Variants in FOXP2 observed in about 807,000 individuals in gnomAD.
FOXP2 encodes the protein forkhead box P2.
Under a neutral mutation model 115.8 loss-of-function variants are expected in FOXP2, and 12 were observed. The ratio of observed to expected loss-of-function variants is 0.10; its 90% CI spans 0.07 to 0.17. FOXP2 has a LOEUF of 0.17. Among genes scored for constraint, FOXP2 ranks in the 10% least tolerant of loss-of-function variants. The pLI is 1.00. For synonymous variants in FOXP2, 328 were observed against 297.7 expected (o/e 1.10, Z -1.05); for missense variants, 629 against 843.5 (o/e 0.75, Z 3.15).
chr7:114,281,944 G>A (rs972839210), intron 1 of FOXP2, among the ~76,000 whole-genome samples: 1 of 152,048 alleles, frequency 6.6e-6, no homozygotes, highest in Admixed American at 6.6e-5. Flanking sequence ...CTGAGGGGTA[G>A]GTCAGTCAGG....
intron 7 of FOXP2, among the ~76,000 whole-genome samples, chr7:114,643,798 T>C (rs982107400): frequency 1.3e-5 from 2 of 152,208 alleles, no homozygotes; most frequent in South Asian, 2.1e-4. Context: ...CTTAGGCTTA[T>C]ATATAGCTCC....
chr7:114,276,074 A>G (rs1796179338), intron 1 of FOXP2, among the ~76,000 whole-genome samples: 1 of 152,188 alleles, frequency 6.6e-6, no homozygotes. Context: ...ATACTATCCC[A>G]GCGGGGTAGG....
chr7:114,273,883 G>T (rs1166011440), intron 1 of FOXP2, among the ~76,000 whole-genome samples: 1 of 151,548 alleles, frequency 6.6e-6, no homozygotes, highest in Non-Finnish European at 1.5e-5. Flanking sequence ...TTATTTTTTG[G>T]TCCAGTTTAA....
intron 2 of FOXP2, among the ~76,000 whole-genome samples, chr7:114,360,572 G>A (rs1484168849): frequency 1.3e-5 from 2 of 152,046 alleles, no homozygotes; most frequent in Non-Finnish European, 2.9e-5. Flanking sequence ...TGAATTTCCT[G>A]TTGTGTGAAA....
chr7:114,159,041 G>A (rs1792752541), upstream of FOXP2, among the ~76,000 whole-genome samples: 1 of 152,112 alleles, frequency 6.6e-6, no homozygotes, highest in Non-Finnish European at 1.5e-5. Flanking sequence ...TGGACTGGAT[G>A]TATATGTTCG....
intron 2 of FOXP2, among the ~76,000 whole-genome samples, chr7:114,479,785 G>T (rs751462907): frequency 4.6e-5 from 7 of 151,522 alleles, no homozygotes; most frequent in Non-Finnish European, 1.0e-4. Context: ...AATATCAGAA[G>T]AAAAACTTAA....
At chr7:114,588,560 G>T (rs569152738) in intron 3 of FOXP2, among the ~76,000 whole-genome samples, 68 of 152,158 alleles carry the variant, frequency 4.5e-4, no homozygotes, top group Admixed American at 3.9e-3. Flanking sequence ...TGCTTTTTGT[G>T]GTCGGAAGGG....
chr7:114,271,721 T>TATTAAATAATATATTAAATACATATGC (rs1562847403), intron 1 of FOXP2, among the ~76,000 whole-genome samples: 1 of 117,564 alleles, frequency 8.5e-6, no homozygotes, highest in African/African-American at 3.5e-5. Flanking sequence ...AATACATATG[T>TATTAAATAATATATTAAATACATATGC]ATTAAATATA....
chr7:114,673,333 A>T (rs1807594302), intron 16 of FOXP2, among the ~76,000 whole-genome samples: 1 of 152,228 alleles, frequency 6.6e-6, no homozygotes, highest in South Asian at 2.1e-4. Flanking sequence ...GAGATTGGGC[A>T]CAATATATTT....
intron 3 of FOXP2, among the ~76,000 whole-genome samples, chr7:114,579,145 C>A (rs992579457): frequency 1.3e-5 from 2 of 152,024 alleles, no homozygotes; most frequent in Non-Finnish European, 2.9e-5. Context: ...TATGTATTAA[C>A]AATTAAAAAT....
At chr7:114,338,211 C>T (rs1267802036) in intron 2 of FOXP2, among the ~76,000 whole-genome samples, 1 of 150,760 alleles carries the variant, frequency 6.6e-6, no homozygotes, top group African/African-American at 2.4e-5. Flanking sequence ...TAAATTTTTA[C>T]AATAAAATAT....
At chr7:114,502,525 C>T (rs961113239) in intron 2 of FOXP2, among the ~76,000 whole-genome samples, 1 of 151,992 alleles carries the variant, frequency 6.6e-6, no homozygotes, top group Admixed American at 6.6e-5. Flanking sequence ...ACAGTTGTAG[C>T]GATAACATGG....
At chr7:114,389,978 C>A in intron 2 of FOXP2, among the ~76,000 whole-genome samples, 1 of 132,520 alleles carries the variant, frequency 7.5e-6, no homozygotes, top group Non-Finnish European at 1.5e-5. Flanking sequence ...TAGCTGAGAT[C>A]GGACCACTGC....
chr7:114,213,192 A>G (rs1283811094), intron 1 of FOXP2, among the ~76,000 whole-genome samples: 2 of 152,182 alleles, frequency 1.3e-5, no homozygotes, highest in African/African-American at 4.8e-5. Flanking sequence ...CATCTTATTT[A>G]CATAGGTATT....
At chr7:114,383,856 C>T (rs552797611) in intron 2 of FOXP2, among the ~76,000 whole-genome samples, 37 of 152,284 alleles carry the variant, frequency 2.4e-4, no homozygotes, top group South Asian at 8.3e-4. Flanking sequence ...AGTCCTAGAG[C>T]GTCCTCTAAG....
chr7:114,591,496 G>A (rs760193027), intron 3 of FOXP2, among the ~76,000 whole-genome samples: 6 of 151,932 alleles, frequency 3.9e-5, no homozygotes, highest in Non-Finnish European at 7.4e-5. Context: ...AGTGAATTAT[G>A]TTCAGTTATA....
intron 1 of FOXP2, among the ~76,000 whole-genome samples, chr7:114,092,618 T>G (rs1405674929): frequency 6.6e-6 from 1 of 152,130 alleles, no homozygotes; most frequent in African/African-American, 2.4e-5. Flanking sequence ...AATTTCTCAC[T>G]GGCAGATAGT....
Position 114,439,798 on chromosome 7 carries a change from T to C in FOXP2, c.168+13119T>C, listed in dbSNP as rs144497789. Among the ~76,000 whole-genome samples, 886 of 152,198 alleles carry C rather than the reference T, an allele frequency of 5.8e-3. 8 individuals are homozygous for C. Among genetic ancestry groups the C allele is most frequent in the African/African-American group, 0.02 (846 of 41,528 alleles). ...CATGTTGCCCAGACTGGTCTTGAAC[T>C]CCTGAGCTCAAGAGATCTGCCCGCC... On this transcript the variant is annotated intron_variant, in intron 2 of 16. Coordinates refer to ENST00000350908, the MANE Select transcript of FOXP2 (RefSeq NM_014491.4).
intron 6 of FOXP2, among the ~76,000 whole-genome samples, chr7:114,638,206 G>A (rs765472279): frequency 1.3e-4 from 20 of 152,012 alleles, no homozygotes; most frequent in Non-Finnish European, 2.5e-4. Context: ...TAAAACTTAC[G>A]CAAACTAGTG....
Sources: allele counts gnomAD v4.1 joint callset (sites outside exome capture counted in the v4.1 genomes callset), GRCh38; gene constraint gnomAD v4.1.1; transcripts MANE v1.5; gene names NCBI Gene and HGNC (gene_info 2026-07-23, HGNC 2026-07-21).